Variants in PCDH15 observed in about 807,000 individuals in gnomAD.
PCDH15 encodes protocadherin related 15.
Under a neutral mutation model 178.5 loss-of-function variants are expected in PCDH15, and 129 were observed. The ratio of observed to expected loss-of-function variants is 0.72; its 90% CI spans 0.63 to 0.84. The LOEUF (loss-of-function observed/expected upper bound fraction) is 0.84, where lower values mean the gene tolerates loss of function less well. PCDH15 is among the 40% of genes least tolerant of loss of function. The pLI is 0.00. For synonymous variants in PCDH15, 800 were observed against 732.0 expected, an observed-to-expected ratio of 1.09 and a Z score of -1.50; for missense variants, 2,230 against 2,099.9, an observed-to-expected ratio of 1.06 and a Z score of -1.21.
rs377214392 is a variant in PCDH15, at chr10:55,609,694, A to T, written c.-156+17931T>A. ...ATCTGAAAAAAATCATAATCGTGCT[A>T]TCTATTTAACATTAGGCTTATGCTC... On this transcript the variant is annotated intron_variant, in intron 2 of 5. Transcript: ENST00000613346. Among the ~76,000 whole-genome samples the T allele has an allele frequency of 8.5e-5, 13 of 152,242 alleles. No individual in the cohort carries two copies. The South Asian group carries it at 2.5e-3, about 29-fold the overall frequency.
chr10:53,850,473 C>T (rs1366234064), intron 28 of PCDH15, among the ~76,000 whole-genome samples: 5 of 151,970 alleles, frequency 3.3e-5, no homozygotes, highest in Non-Finnish European at 7.4e-5. Flanking sequence ...AATAATGCTC[C>T]AAATGAATAT....
chr10:55,617,972 G>T (rs1843512789), intron 2 of PCDH15, among the ~76,000 whole-genome samples: 1 of 151,978 alleles, frequency 6.6e-6, no homozygotes, highest in African/African-American at 2.4e-5. Flanking sequence ...AAAGGCATGT[G>T]AATCCTATAA....
At chr10:54,641,582 C>CCACACACACA (rs57194998) in intron 2 of PCDH15, among the ~76,000 whole-genome samples, 1 of 148,678 alleles carries the variant, frequency 6.7e-6, no homozygotes, top group South Asian at 2.1e-4. Context: ...TATGCAAACA[C>CCACACACACA]CACACACACA....
intron 2 of PCDH15, among the ~76,000 whole-genome samples, chr10:54,995,313 T>C (rs1046309146): frequency 6.7e-6 from 1 of 149,130 alleles, no homozygotes; most frequent in East Asian, 2.0e-4. Context: ...GAGTCGGAGT[T>C]TGCAGTGAGT....
intron 8 of PCDH15, among the ~76,000 whole-genome samples, chr10:54,308,567 T>C (rs1310315860): frequency 6.6e-6 from 1 of 152,136 alleles, no homozygotes; most frequent in Non-Finnish European, 1.5e-5. Flanking sequence ...GTTGAACCTG[T>C]TCAAATACAT....
intron 2 of PCDH15, among the ~76,000 whole-genome samples, chr10:55,486,934 C>A (rs1025485033): frequency 3.3e-5 from 5 of 151,546 alleles, no homozygotes; most frequent in African/African-American, 1.2e-4. Context: ...ATCTCCCTAC[C>A]TACTAAAACT....
intron 1 of PCDH15, among the ~76,000 whole-genome samples, chr10:54,692,336 G>T (rs1416828094): frequency 1.3e-5 from 2 of 152,094 alleles, no homozygotes; most frequent in Non-Finnish European, 2.9e-5. Flanking sequence ...TATATTTATT[G>T]CACTTTGTAT....
chr10:54,819,059 GA>G (rs1487119712), intron 3 of PCDH15, among the ~76,000 whole-genome samples: 5 of 151,876 alleles, frequency 3.3e-5, no homozygotes, highest in Admixed American at 3.3e-4. Flanking sequence ...CAAACTGCTG[GA>G]ATTACAGGTA....
At chr10:54,812,988 G>A (rs1324109030) in intron 3 of PCDH15, among the ~76,000 whole-genome samples, 1 of 152,076 alleles carries the variant, frequency 6.6e-6, no homozygotes, top group Non-Finnish European at 1.5e-5. Context: ...ACATTTCACT[G>A]ATTGTCATAG....
At chr10:54,570,077 T>C (rs1480426437) in intron 2 of PCDH15, among the ~76,000 whole-genome samples, 1 of 151,984 alleles carries the variant, frequency 6.6e-6, no homozygotes, top group African/African-American at 2.4e-5. Context: ...TGTGTGTTTG[T>C]GTGAATGCGT....
chr10:55,371,893 T>C (rs1183175114), intron 2 of PCDH15, among the ~76,000 whole-genome samples: 1 of 152,148 alleles, frequency 6.6e-6, no homozygotes, highest in Non-Finnish European at 1.5e-5. Flanking sequence ...CTTAAGGAAG[T>C]ATGTAGGTAA....
At chr10:54,034,463 T>A (rs1052953179) in intron 18 of PCDH15, among the ~76,000 whole-genome samples, 1 of 151,954 alleles carries the variant, frequency 6.6e-6, no homozygotes, top group Non-Finnish European at 1.5e-5. Flanking sequence ...TTGGTTGATT[T>A]AAAAATGTAT....
intron 2 of PCDH15, among the ~76,000 whole-genome samples, chr10:54,912,598 G>A (rs1234869482): frequency 6.6e-6 from 1 of 152,048 alleles, no homozygotes; most frequent in Non-Finnish European, 1.5e-5. Context: ...TTATCCAGTG[G>A]GGACTCAGGA....
At chr10:54,613,826 A>C (rs1249516582) in intron 2 of PCDH15, among the ~76,000 whole-genome samples, 3 of 151,806 alleles carry the variant, frequency 2.0e-5, no homozygotes, top group African/African-American at 7.3e-5. Context: ...ACTATCCGGC[A>C]CCCACGAGAA....
At chr10:54,625,773 G>T (rs1209685521) in intron 2 of PCDH15, among the ~76,000 whole-genome samples, 1 of 152,138 alleles carries the variant, frequency 6.6e-6, no homozygotes, top group Non-Finnish European at 1.5e-5. Context: ...GTGAAGCTTT[G>T]CTGAAAAGAT....
intron 2 of PCDH15, among the ~76,000 whole-genome samples, chr10:55,499,572 C>T (rs1840609892): frequency 6.6e-6 from 1 of 151,498 alleles, no homozygotes; most frequent in Non-Finnish European, 1.5e-5. Flanking sequence ...AATTCTTATA[C>T]AATTTTTTTA....
At chr10:54,189,019 G>GA (rs2048726627) in intron 11 of PCDH15, among the ~76,000 whole-genome samples, 1 of 151,796 alleles carries the variant, frequency 6.6e-6, no homozygotes, top group Non-Finnish European at 1.5e-5. Context: ...CAATGTTTTA[G>GA]AAAAAATGCC....
intron 35 of PCDH15, among the ~76,000 whole-genome samples, chr10:53,812,164 AC>A (rs1354571527): frequency 6.6e-6 from 1 of 152,146 alleles, no homozygotes; most frequent in Non-Finnish European, 1.5e-5. Context: ...GGATGTTTAT[AC>A]TTTAAAACAT....
intron 10 of PCDH15, among the ~76,000 whole-genome samples, chr10:54,210,902 G>A (rs113216933): frequency 0.023 from 3,437 of 151,964 alleles, 116 homozygotes; most frequent in African/African-American, 0.078. Context: ...TTTGCTCTTC[G>A]TTGTTAATTA....
Sources: allele counts gnomAD v4.1 joint callset (sites outside exome capture counted in the v4.1 genomes callset), GRCh38; gene constraint gnomAD v4.1.1; transcripts MANE v1.5; gene names NCBI Gene and HGNC (gene_info 2026-07-23, HGNC 2026-07-21).